HECA: variants seen among roughly 807,000 people sequenced by gnomAD.
HECA encodes the protein HECA ribonucleoprotein granule regulator, also known as headcase protein homolog.
Under a neutral mutation model 37.6 loss-of-function variants are expected in HECA, and 13 were observed. The ratio of observed to expected loss-of-function variants is 0.35; its 90% CI spans 0.23 to 0.55. HECA has a LOEUF of 0.55. HECA is among the 20% of genes least tolerant of loss of function. The probability of loss-of-function intolerance (pLI) is 0.90; values close to 1 mark genes in which losing one functional copy is unlikely to be tolerated. For synonymous variants in HECA, 307 were observed against 291.5 expected (o/e 1.05, Z -0.54); for missense variants, 527 against 701.9 (o/e 0.75, Z 2.82).
intron 1 of HECA, among the ~76,000 whole-genome samples, chr6:139,162,613 G>A (rs1195235539): frequency 6.6e-6 from 1 of 152,168 alleles, no homozygotes; most frequent in Non-Finnish European, 1.5e-5. Context: ...ATACATAGAG[G>A]TAGACAAATT....
intron 1 of HECA, among the ~76,000 whole-genome samples, chr6:139,149,270 T>G (rs1040781820): frequency 6.6e-6 from 1 of 152,178 alleles, no homozygotes; most frequent in African/African-American, 2.4e-5. Flanking sequence ...CAGTGTGAGA[T>G]TTGGGAGACA....
intron 1 of HECA, among the ~76,000 whole-genome samples, chr6:139,156,326 C>T (rs1476902757): frequency 2.0e-5 from 3 of 152,158 alleles, no homozygotes; most frequent in African/African-American, 4.8e-5. Context: ...CCTCGGCCTC[C>T]TGAGTAGCTG....
At chr6:139,171,650 ATC>A (rs1261313374) in intron 2 of HECA, among the ~76,000 whole-genome samples, 1 of 151,712 alleles carries the variant, frequency 6.6e-6, no homozygotes, top group Non-Finnish European at 1.5e-5. Context: ...TTTTTTGAGT[ATC>A]TCAGTCTGTC....
intron 2 of HECA, among the ~76,000 whole-genome samples, chr6:139,169,231 AT>A: frequency 6.6e-6 from 1 of 151,516 alleles, no homozygotes. Flanking sequence ...CCCTTAGATT[AT>A]TTTTTTTGTT....
chr6:139,144,791 A>G (rs1774562079), intron 1 of HECA, among the ~76,000 whole-genome samples: 1 of 152,244 alleles, frequency 6.6e-6, no homozygotes, highest in Non-Finnish European at 1.5e-5. Context: ...AATGAAGCAG[A>G]GGGCACATGG....
chr6:139,157,308 T>C (rs1237662033), intron 1 of HECA, among the ~76,000 whole-genome samples: 2 of 152,194 alleles, frequency 1.3e-5, no homozygotes, highest in South Asian at 2.1e-4. Flanking sequence ...CTTTATGATA[T>C]GTGTTTTGTG....
At chr6:139,164,645 G>A (rs1158881281) in intron 1 of HECA, among the ~76,000 whole-genome samples, 3 of 152,124 alleles carry the variant, frequency 2.0e-5, no homozygotes, top group Non-Finnish European at 4.4e-5. Flanking sequence ...AAAATCCTAC[G>A]GAAATGCAAG....
chr6:139,136,644 T>G (rs1305048062), intron 1 of HECA, among the ~76,000 whole-genome samples: 2 of 151,448 alleles, frequency 1.3e-5, no homozygotes, highest in Non-Finnish European at 2.9e-5. Flanking sequence ...TTGTTTTGTT[T>G]TTTTTTTTTT....
At chr6:139,163,654 C>T (rs1336753489) in intron 1 of HECA, among the ~76,000 whole-genome samples, 1 of 152,148 alleles carries the variant, frequency 6.6e-6, no homozygotes, top group Non-Finnish European at 1.5e-5. Flanking sequence ...GCGCTGTCCC[C>T]TGACTGCCTG....
intron 1 of HECA, among the ~76,000 whole-genome samples, chr6:139,139,658 C>G (rs1477400914): frequency 6.6e-6 from 1 of 152,216 alleles, no homozygotes; most frequent in Admixed American, 6.5e-5. Flanking sequence ...GATGGCCTTT[C>G]TGAGTTATCT....
chr6:139,162,493 T>C (rs1400949294), intron 1 of HECA, among the ~76,000 whole-genome samples: 2 of 152,242 alleles, frequency 1.3e-5, no homozygotes, highest in African/African-American at 4.8e-5. Flanking sequence ...CCTGCCTGGA[T>C]TCCAACTCAG....
chr6:139,157,277 A>G (rs1444407755), intron 1 of HECA, among the ~76,000 whole-genome samples: 1 of 152,156 alleles, frequency 6.6e-6, no homozygotes, highest in Non-Finnish European at 1.5e-5. Flanking sequence ...CTTTACTGCA[A>G]TCTGTTTTTA....
chr6:139,165,737 A>T lies in HECA; in HGVS notation c.272-547A>T, dbSNP rs139765420. Among the ~76,000 whole-genome samples the T allele has an allele frequency of 2.2e-3, 328 of 152,328 alleles. 1 individual carries two copies. Among genetic ancestry groups the T allele is most frequent in the Admixed American group, 7.3e-3 (112 of 15,300 alleles). On this transcript the variant is annotated intron_variant, in intron 1 of 3. Transcript: ENST00000367658. ...ATGTTTATTTCTTAAGAATTGGGTT[A>T]GCGGATTCTACTTTCTGTCACCATG...
Position 139,166,878 on chromosome 6 carries a change from G to C in HECA, c.866G>C (p.Arg289Pro). The change falls in exon 2 of 4, where the codon CGC becomes CCC. Residue 289 changes from arginine (R) to proline (P), a missense_variant. Transcript: ENST00000367658. ...ILSPAHFSGPRSSRYLGEFLK... is the reference protein window; with the variant it reads ...ILSPAHFSGPPSSRYLGEFLK... ...TCTCCTGCCCACTTCAGCGGCCCCCGCTCCTCCAGATACCTCGGGGAGTTC... is the reference window on the plus strand; with the variant it reads ...TCTCCTGCCCACTTCAGCGGCCCCCCCTCCTCCAGATACCTCGGGGAGTTC... 1 of 1,613,910 alleles carries C rather than the reference G, an allele frequency of 6.2e-7. No individual in the cohort carries two copies. The highest frequency in any genetic ancestry group is 8.5e-7 in the Non-Finnish European group (1 of 1,179,976).
At chr6:139,163,739 C>T (rs1774840608) in intron 1 of HECA, among the ~76,000 whole-genome samples, 1 of 152,068 alleles carries the variant, frequency 6.6e-6, no homozygotes, top group African/African-American at 2.4e-5. Context: ...GGGGAATCTT[C>T]TCCTCCAGCC....
intron 1 of HECA, among the ~76,000 whole-genome samples, chr6:139,149,708 A>G (rs976398385): frequency 3.3e-5 from 5 of 152,166 alleles, no homozygotes; most frequent in African/African-American, 1.2e-4. Flanking sequence ...TGTAGTATTC[A>G]TTCTCCTGCC....
chr6:139,173,731 A>G (rs1225068553), intron 2 of HECA, among the ~76,000 whole-genome samples: 1 of 152,348 alleles, frequency 6.6e-6, no homozygotes, highest in African/African-American at 2.4e-5. Context: ...TAACATTAAG[A>G]TGTTATCAAA....
chr6:139,162,913 C>T (rs1317353167), intron 1 of HECA, among the ~76,000 whole-genome samples: 1 of 152,148 alleles, frequency 6.6e-6, no homozygotes, highest in African/African-American at 2.4e-5. Flanking sequence ...GGCTCAGCCT[C>T]TGCTGTCTTC....
chr6:139,140,183 CCTA>C (rs1186428841), intron 1 of HECA, among the ~76,000 whole-genome samples: 1 of 152,084 alleles, frequency 6.6e-6, no homozygotes, highest in Non-Finnish European at 1.5e-5. Context: ...TACTTTAATT[CCTA>C]CTACATTTAA....
Sources: gnomAD v4.1 joint callset for allele counts (sites outside exome capture counted in the v4.1 genomes callset) on GRCh38, gnomAD v4.1.1 for gene constraint, MANE v1.5 for transcripts, NCBI Gene and HGNC (gene_info 2026-07-23, HGNC 2026-07-21) for gene names.